CEP295: variants seen among roughly 807,000 people sequenced by gnomAD.
The protein encoded by CEP295 is centrosomal protein 295.
CEP295 carries 190 observed loss-of-function variants against 291.6 expected under a neutral mutation model. That is an observed-to-expected ratio of 0.65 (90% CI 0.58 to 0.73). The LOEUF (loss-of-function observed/expected upper bound fraction) is 0.73, where lower values mean the gene tolerates loss of function less well. Ranked by LOEUF, CEP295 falls within the 30% of genes least tolerant of loss-of-function variation. CEP295 has a pLI of 0.00. For synonymous variants in CEP295, 993 were observed against 1,038.8 expected, an observed-to-expected ratio of 0.96 and a Z score of 0.85; for missense variants, 2,863 against 2,949.4, an observed-to-expected ratio of 0.97 and a Z score of 0.68.
intron 5 of CEP295, among the ~76,000 whole-genome samples, chr11:93,672,379 A>C (rs1950493939): frequency 6.6e-6 from 1 of 152,192 alleles, no homozygotes; most frequent in South Asian, 2.1e-4. Flanking sequence ...ATGCAAGAGA[A>C]AAATGAGCTT....
chr11:93,729,564 A>G lies in CEP295; in HGVS notation c.7399+34A>G, dbSNP rs905186670. 4.5e-6 allele frequency: 7 copies of G among 1,549,802 alleles called. No homozygotes were observed. In the African/African-American group the frequency reaches 5.5e-5, roughly 12 times the overall value. On this transcript the variant is annotated intron_variant, in intron 26 of 29. Coordinates refer to ENST00000325212, the MANE Select transcript of CEP295 (RefSeq NM_033395.2). ...TGGACGGCCTCCACACTTCTAATGG[A>G]AAGTAGATACTTTGCCTATTTCTGT... is the stretch of plus-strand genomic sequence containing the variant.
chr11:93,690,729 CAAAAAAAAAA>C (rs10608060), intron 10 of CEP295, among the ~76,000 whole-genome samples: 2 of 68,366 alleles, frequency 2.9e-5, no homozygotes, highest in African/African-American at 5.7e-5. Context: ...GACTCCGTCT[CAAAAAAAAAA>C]AAAAAAAAAA....
At chr11:93,673,425 T>C (rs1950540280) in intron 5 of CEP295, among the ~76,000 whole-genome samples, 1 of 152,202 alleles carries the variant, frequency 6.6e-6, no homozygotes, top group African/African-American at 2.4e-5. Context: ...ATTTGCCAAT[T>C]AGTTATCTTC....
At position 93,697,833 on chromosome 11, in the gene CEP295, T is replaced by C. The variant is rs765999714; in HGVS notation, c.2921T>C (p.Leu974Ser). Residue 974 changes from leucine to serine, a missense_variant, in exon 15 of 30, where the codon TTG becomes TCG. Leu to Ser is a moderately radical substitution (Grantham distance 145). Transcript: ENST00000325212. ...LQARREAQEV[L>S]YVHKQSELDR... Reference sequence around the variant, plus strand: ...GCTAGGCGAGAAGCCCAGGAAGTATTGTATGTACATAAACAGAGTGAATTG... The same window carrying C: ...GCTAGGCGAGAAGCCCAGGAAGTATCGTATGTACATAAACAGAGTGAATTG... 1.3e-6 allele frequency: 2 copies of C among 1,551,732 alleles called. No individual in the cohort carries two copies. The highest frequency in any genetic ancestry group is 1.2e-5 in the South Asian group (1 of 84,062).
chr11:93,663,296 C>T (rs115683889), intron 1 of CEP295, among the ~76,000 whole-genome samples: 1 of 152,134 alleles, frequency 6.6e-6, no homozygotes, highest in African/African-American at 2.4e-5. Context: ...TTGTTACTTC[C>T]CTCCATTCAG....
rs183722703 is a variant in CEP295 at position 93,692,501 on chromosome 11, G to A, written c.1533+471G>A. ...TACAGCGCCCTTTTTTTGCTCCGTC[G>A]CCCAGGCTGGAGTACAGTGACACGA... On this transcript the variant is annotated intron_variant, in intron 12 of 29. Coordinates refer to ENST00000325212, the MANE Select transcript of CEP295 (RefSeq NM_033395.2). Among the ~76,000 whole-genome samples the A allele has an allele frequency of 3.6e-3, 542 of 151,904 alleles. 3 individuals carry two copies. Among genetic ancestry groups the A allele is most frequent in the Non-Finnish European group, 6.2e-3 (424 of 67,948 alleles).
In CEP295 at chr11:93,706,763, A is replaced by T. The variant is rs1327997767; in HGVS notation, c.5615A>T (p.Glu1872Val). 29 of 1,537,106 alleles carry T rather than the reference A, an allele frequency of 1.9e-5. No homozygotes were observed. The highest frequency in any genetic ancestry group is 2.3e-5 in the Non-Finnish European group (26 of 1,141,824). The change falls in exon 18 of 30, where the codon GAA (glutamate) becomes GTA (valine). Residue 1872 changes from glutamate to valine, a missense_variant. By Grantham distance (121) the Glu-to-Val change is moderately radical. Around this residue, in one of 3 missense-constraint regions of CEP295, gnomAD observed 2,295 missense variants for 2,335.7 expected, o/e 0.98. Coordinates refer to ENST00000325212, the MANE Select transcript of CEP295 (RefSeq NM_033395.2). Reference protein sequence around the residue: ...TSILGKPGIYEDRDPLRVSIS... With the variant: ...TSILGKPGIYVDRDPLRVSIS... ...CCCCCAGGTAAACCAGGTATTTATG[A>T]AGACAGAGACCCCCTGCGAGTCTCA...
intron 15 of CEP295, among the ~76,000 whole-genome samples, chr11:93,701,774 T>G (rs952578326): frequency 1.3e-5 from 2 of 151,494 alleles, no homozygotes; most frequent in African/African-American, 4.9e-5. Context: ...CAGCTAACTT[T>G]TGTATTTTTT....
chr11:93,703,088 C>T (rs4376865), intron 17 of CEP295, among the ~76,000 whole-genome samples, 169 bp downstream of exon 17: 52,678 of 151,856 alleles, frequency 0.35, 9,766 homozygotes, highest in South Asian at 0.49. Context: ...CTCAGCCTCC[C>T]GAGTAGCTGG....
chr11:93,725,851 A>G lies in CEP295; in HGVS notation c.6499+20A>G. On this transcript the variant is annotated intron_variant, in intron 23 of 29. Coordinates refer to ENST00000325212, the MANE Select transcript of CEP295 (RefSeq NM_033395.2). ...TTGGGGGTATGTATGACTAAGTTAG[A>G]AAAAGTTAATTTTTCCATGATTTTT... The G allele has an allele frequency of 6.5e-7, 1 of 1,540,928 alleles. No homozygotes were observed. The highest frequency in any genetic ancestry group is 8.8e-7 in the Non-Finnish European group (1 of 1,141,102).
chr11:93,696,988 A>G lies in CEP295; in HGVS notation c.2076A>G (p.Thr692=). ...AAAGACAGGTGGAAACAACAGAAAC[A>G]TTACGCGCTTCAGATATTTTAACCA... ...FPQRQVETTE[T]LRASDILTNQ... is the part of the protein sequence containing the mutation. The change falls in exon 15 of 30, where the codon ACA becomes ACG. Residue 692 remains threonine (T), a synonymous_variant. Coordinates refer to ENST00000325212, the MANE Select transcript of CEP295 (RefSeq NM_033395.2). 5 of 1,551,726 alleles carry G rather than the reference A, an allele frequency of 3.2e-6. No individual in the cohort carries two copies. The highest frequency in any genetic ancestry group is 4.4e-6 in the Non-Finnish European group (5 of 1,146,954).
chr11:93,730,281 T>C lies in CEP295; in HGVS notation c.*12T>C. 5.2e-6 allele frequency: 8 copies of C among 1,527,642 alleles called. No homozygotes were observed. Among genetic ancestry groups the C allele is most frequent in the African/African-American group, 1.4e-5 (1 of 72,606 alleles). The allele number at this position is 1,527,642 out of a possible 1,614,324, so 94.6% of individuals were successfully genotyped here. A position where few individuals can be genotyped will look rare whatever the true frequency, so the allele number is the denominator to read the frequency against. ...AAAATACATGCTGACTTTCTAGAAA[T>C]AGTGTAAAGGTTTTTTAATTGTGTA... On this transcript the variant is annotated 3_prime_UTR_variant, in exon 30 of 30. Transcript: ENST00000325212.
At chr11:93,684,536 A>G (rs375638772) in intron 9 of CEP295, among the ~76,000 whole-genome samples, 3 of 152,190 alleles carry the variant, frequency 2.0e-5, no homozygotes, top group Non-Finnish European at 2.9e-5. Flanking sequence ...TTTCTTGTCT[A>G]TGAGGAACAT....
At position 93,672,626 on chromosome 11, in the gene CEP295, C is replaced by CA. The variant is rs371212130; in HGVS notation, c.528+2857dup. ...TTTCCATTGCTGCATGAGCCAGTGTCAGGTACTCCAGAGTAGAAAGCTGGT... is the reference window on the plus strand; with the variant it reads ...TTTCCATTGCTGCATGAGCCAGTGTCAAGGTACTCCAGAGTAGAAAGCTGGT... On this transcript the variant is annotated intron_variant, in intron 5 of 29. Coordinates refer to ENST00000325212, the MANE Select transcript of CEP295 (RefSeq NM_033395.2). Among the ~76,000 whole-genome samples the CA allele has an allele frequency of 4.8e-3, 724 of 152,142 alleles. 6 individuals are homozygous for CA. The highest frequency in any genetic ancestry group is 0.016 in the African/African-American group (646 of 41,494).
chr11:93,700,092 C>T lies in CEP295; in HGVS notation c.5180C>T (p.Ala1727Val). 6.4e-7 allele frequency: 1 copy of T among 1,551,638 alleles called. No homozygotes were observed. The highest frequency in any genetic ancestry group is 8.7e-7 in the Non-Finnish European group (1 of 1,146,938). ...GAAGTTCTGCATTATAGCCAGAAAG[C>T]CCAGGAAAAATTGCTTGTACAGAGA... is the stretch of plus-strand genomic sequence containing the variant. Reference protein sequence around the residue: ...QREVLHYSQKAQEKLLVQRQT... With the variant: ...QREVLHYSQKVQEKLLVQRQT... Residue 1727 changes from alanine (A) to valine (V), a missense_variant, in exon 15 of 30, where the codon GCC (alanine) becomes GTC (valine). Around this residue, in one of 3 missense-constraint regions of CEP295, gnomAD observed 2,295 missense variants for 2,335.7 expected, o/e 0.98. Transcript: ENST00000325212.
Position 93,702,627 on chromosome 11 carries a change from CA to C in CEP295, c.5444del (p.Lys1815SerfsTer20). 1 of 1,543,866 alleles carries C rather than the reference CA, an allele frequency of 6.5e-7. No individual in the cohort carries two copies. Among genetic ancestry groups the C allele is most frequent in the Non-Finnish European group, 8.7e-7 (1 of 1,144,014 alleles). ...NHLASEDTSA[K>X]QSGEHLEKDL... Reference sequence around the variant, plus strand: ...ATTTGGCTTCAGAAGATACTAGTGCCAAGCAAAGTGGTAAGATAATTGTGTT... The same window carrying C: ...ATTTGGCTTCAGAAGATACTAGTGCCAGCAAAGTGGTAAGATAATTGTGTT... On this transcript the variant is annotated frameshift_variant, in exon 16 of 30. Coordinates refer to ENST00000325212, the MANE Select transcript of CEP295 (RefSeq NM_033395.2). LOFTEE classifies it high-confidence loss of function.
rs1952259195 is a variant in CEP295, at chr11:93,702,855, C to T, written c.5532C>T (p.Asn1844=). The change falls in exon 17 of 30, where the codon AAC becomes AAT. Residue 1844 remains asparagine, a synonymous_variant. Transcript: ENST00000325212. ...VAKVKCGLDL[N]QHELSAIQEV... ...AAGTCAAATGTGGTTTGGACTTAAACCAGCATGAACTTAGTGCTATACAAG... is the reference window on the plus strand; with the variant it reads ...AAGTCAAATGTGGTTTGGACTTAAATCAGCATGAACTTAGTGCTATACAAG... The T allele has an allele frequency of 1.9e-6, 3 of 1,551,694 alleles. No individual in the cohort carries two copies. Among genetic ancestry groups the T allele is most frequent in the Non-Finnish European group, 8.7e-7 (1 of 1,146,902 alleles).
Position 93,722,027 on chromosome 11 carries a change from C to A in CEP295, c.5924C>A (p.Thr1975Lys), listed in dbSNP as rs1047513182. Residue 1975 changes from threonine (T) to lysine (K), a missense_variant, in exon 20 of 30, where the codon ACA (threonine) becomes AAA (lysine). This residue lies in a region of CEP295 where 2,295 missense variants were observed against 2,335.7 expected (regional missense o/e 0.98). Transcript: ENST00000325212. ...STGSLLSYEN[T>K]DLSLTDPESF... The stretch of plus-strand genomic sequence containing the variant: ...GGGAGCCTTTTAAGTTATGAAAACA[C>A]AGATTTGAGCCTTACAGATCCAGGT... 2.6e-6 allele frequency: 4 copies of A among 1,556,654 alleles called. No homozygotes were observed. Among genetic ancestry groups the A allele is most frequent in the Non-Finnish European group, 3.5e-6 (4 of 1,147,514 alleles).
In CEP295 at chr11:93,730,139, A is replaced by G. The variant is rs1336517349; in HGVS notation, c.7758A>G (p.Glu2586=). 2 of 1,550,954 alleles carry G rather than the reference A, an allele frequency of 1.3e-6. No homozygotes were observed. The highest frequency in any genetic ancestry group is 1.7e-6 in the Non-Finnish European group (2 of 1,146,828). Residue 2586 remains glutamate (E), a synonymous_variant, in exon 29 of 30, where the codon GAA becomes GAG. Transcript: ENST00000325212. ...AYAQNRARAK[E]FHKKTLEKLR... is the part of the protein sequence containing the mutation. ...CCCAAAACAGAGCAAGGGCAAAAGA[A>G]TTCCATAAGGTGAGTATAACTGAGG... is the stretch of plus-strand genomic sequence containing the variant.
Sources: allele counts gnomAD v4.1 joint callset (sites outside exome capture counted in the v4.1 genomes callset), GRCh38; gene constraint gnomAD v4.1.1; regional missense constraint gnomAD v4.1.1; transcripts MANE v1.5; gene names NCBI Gene and HGNC (gene_info 2026-07-23, HGNC 2026-07-21).